TLCD4: variants seen among roughly 807,000 people sequenced by gnomAD.
TLCD4 encodes the protein TLC domain containing 4, also known as TLC domain-containing protein 4.
A neutral mutation model predicts 24.2 loss-of-function variants in TLCD4; 7 were observed. The observed-to-expected ratio is 0.29, with a 90% CI of 0.16 to 0.54. The LOEUF (loss-of-function observed/expected upper bound fraction) is 0.54, where lower values mean the gene tolerates loss of function less well. Ranked by LOEUF, TLCD4 falls within the 20% of genes least tolerant of loss-of-function variation. The probability of loss-of-function intolerance (pLI) is 0.95; values close to 1 mark genes in which losing one functional copy is unlikely to be tolerated. For missense variants in TLCD4, 259 were observed against 313.9 expected, an observed-to-expected ratio of 0.82 and a Z score of 1.32; for synonymous variants, 103 against 106.4, an observed-to-expected ratio of 0.97 and a Z score of 0.20.
chr1:95,141,166 AT>A (rs1677187508), intron 1 of TLCD4, among the ~76,000 whole-genome samples: 1 of 152,192 alleles, frequency 6.6e-6, no homozygotes, highest in Non-Finnish European at 1.5e-5. Context: ...CCTGATAATA[AT>A]TCTGTTCAAA....
At position 95,196,126 on chromosome 1, in the gene TLCD4, G is replaced by A. The variant is rs1472353058; in HGVS notation, c.*4258G>A. On this transcript the variant is annotated 3_prime_UTR_variant, in exon 7 of 7. Transcript: ENST00000370203. ...TAATAATAACTGTTTACAACATGAGGCAAAGCTAATAATGTTATGGTTTTA... is the reference window on the plus strand; with the variant it reads ...TAATAATAACTGTTTACAACATGAGACAAAGCTAATAATGTTATGGTTTTA... The A allele has an allele frequency of 6.6e-6, 1 of 152,174 alleles. No homozygotes were observed. The highest frequency in any genetic ancestry group is 1.5e-5 in the Non-Finnish European group (1 of 68,020). The allele number at this position is 152,174 out of a possible 1,614,324, so 9.4% of individuals were successfully genotyped here.
chr1:95,122,262 A>T (rs950896077), intron 1 of TLCD4, among the ~76,000 whole-genome samples: 2 of 152,222 alleles, frequency 1.3e-5, no homozygotes, highest in Non-Finnish European at 2.9e-5. Context: ...CGGGAGGCTG[A>T]GGCCAGAGAA....
intron 6 of TLCD4, among the ~76,000 whole-genome samples, chr1:95,182,747 C>T (rs1420510286): frequency 6.6e-6 from 1 of 152,052 alleles, no homozygotes; most frequent in Non-Finnish European, 1.5e-5. Context: ...CCATAAACCA[C>T]ATTTTAAGAC....
chr1:95,178,499 G>C (rs376057918), intron 6 of TLCD4, among the ~76,000 whole-genome samples: 71 of 151,034 alleles, frequency 4.7e-4, no homozygotes, highest in African/African-American at 1.6e-3. Context: ...CTGACCTCAG[G>C]TGATCCACCC....
At chr1:95,096,581 T>C in the TLCD4 span, among the ~76,000 whole-genome samples, 1 of 152,234 alleles carries the variant, frequency 6.6e-6, no homozygotes, top group Non-Finnish European at 1.5e-5. Flanking sequence ...TCATCCGTTT[T>C]GTTTTTAAAC....
the TLCD4 span, among the ~76,000 whole-genome samples, chr1:95,100,912 T>C: frequency 2.7e-5 from 1 of 36,858 alleles, no homozygotes; most frequent in Non-Finnish European, 9.7e-5. Context: ...GTCTCCAACT[T>C]TTTTTTTTTT....
At chr1:95,181,733 G>T (rs902421736) in intron 6 of TLCD4, among the ~76,000 whole-genome samples, 15 of 151,910 alleles carry the variant, frequency 9.9e-5, no homozygotes, top group Non-Finnish European at 1.9e-4. Context: ...GAGTAGCTGG[G>T]ATTACTACTA....
intron 5 of TLCD4, chr1:95,165,212 G>A (rs1219860058): frequency 1.3e-5 from 2 of 152,178 alleles, no homozygotes; most frequent in African/African-American, 2.4e-5. Flanking sequence ...AGAAAGCGAA[G>A]GAGGTAAACT....
chr1:95,115,769 C>T (rs542016273), upstream of TLCD4, among the ~76,000 whole-genome samples: 1 of 152,216 alleles, frequency 6.6e-6, no homozygotes, highest in South Asian at 2.1e-4. Flanking sequence ...GTGCATTTAT[C>T]AGGAAAGAAC....
At chr1:95,187,131 A>G (rs1366606435) in intron 6 of TLCD4, among the ~76,000 whole-genome samples, 1 of 152,210 alleles carries the variant, frequency 6.6e-6, no homozygotes, top group Non-Finnish European at 1.5e-5. Flanking sequence ...TATCTTTAGA[A>G]TAGTTTTACA....
the TLCD4 span, among the ~76,000 whole-genome samples, chr1:95,099,905 G>A: frequency 6.6e-6 from 1 of 151,814 alleles, no homozygotes; most frequent in Non-Finnish European, 1.5e-5. Context: ...GCTGAGGCAG[G>A]CAAATCACTT....
chr1:95,164,483 A>G (rs35642396), intron 5 of TLCD4: 67,508 of 152,036 alleles, frequency 0.44, 16,446 homozygotes, highest in Middle Eastern at 0.58. Context: ...TTCGGCTCAC[A>G]CTCTGTGGGC....
chr1:95,154,334 C>G (rs1303665863), intron 5 of TLCD4, among the ~76,000 whole-genome samples: 1 of 152,160 alleles, frequency 6.6e-6, no homozygotes, highest in Non-Finnish European at 1.5e-5. Context: ...GCACGTGGCC[C>G]AGTCTAATCT....
intron 1 of TLCD4, among the ~76,000 whole-genome samples, chr1:95,139,267 C>G (rs928174387): frequency 6.6e-6 from 1 of 150,718 alleles, no homozygotes; most frequent in Non-Finnish European, 1.5e-5. Context: ...AGAAGTTGCT[C>G]TAGGTGAATC....
the TLCD4 span, among the ~76,000 whole-genome samples, chr1:95,109,501 T>C: frequency 1.3e-5 from 2 of 151,588 alleles, no homozygotes; most frequent in East Asian, 3.8e-4. Context: ...ATTTTTTTTT[T>C]TTTTGAGATG....
At chr1:95,128,217 A>C (rs1571725982) in intron 1 of TLCD4, among the ~76,000 whole-genome samples, 1 of 152,294 alleles carries the variant, frequency 6.6e-6, no homozygotes, top group South Asian at 2.1e-4. Flanking sequence ...TTCTTCAATA[A>C]GTTTGGAGTT....
rs766893318 is a variant in TLCD4, at chr1:95,173,888, C to T, written c.472C>T (p.Arg158Trp). 3.1e-6 allele frequency: 5 copies of T among 1,613,844 alleles called. No individual in the cohort carries two copies. Among genetic ancestry groups the T allele is most frequent in the African/African-American group, 1.3e-5 (1 of 74,892 alleles). The change falls in exon 6 of 7, where the codon CGG becomes TGG. Residue 158 changes from arginine to tryptophan, a missense_variant and splice_region_variant. Coordinates refer to ENST00000370203, the MANE Select transcript of TLCD4 (RefSeq NM_152487.3). ...GCTTTCCAGCCCGTTTGTGAATCAG[C>T]GGTATGTTACTGATATCATTGATTA... ...AELSSPFVNQ[R>W]WFFEALKYPK... is the part of the protein sequence containing the mutation.
At chr1:95,182,571 G>A (rs1227722501) in intron 6 of TLCD4, among the ~76,000 whole-genome samples, 3 of 152,104 alleles carry the variant, frequency 2.0e-5, no homozygotes, top group African/African-American at 7.2e-5. Context: ...GGATACAGTG[G>A]CTACTAATAC....
At chr1:95,186,073 T>C (rs1449524386) in intron 6 of TLCD4, among the ~76,000 whole-genome samples, 2 of 152,208 alleles carry the variant, frequency 1.3e-5, no homozygotes, top group African/African-American at 4.8e-5. Context: ...TAAAATTATA[T>C]TTGTGCCATT....
Sources: allele counts gnomAD v4.1 joint callset (sites outside exome capture counted in the v4.1 genomes callset), GRCh38; gene constraint gnomAD v4.1.1; transcripts MANE v1.5; gene names NCBI Gene and HGNC (gene_info 2026-07-23, HGNC 2026-07-21).